GPSM3: variants seen among roughly 807,000 people sequenced by gnomAD.
GPSM3 encodes G protein-signaling modulator 3.
GPSM3 carries 16 observed loss-of-function variants against 20.4 expected under a neutral mutation model. That is an observed-to-expected ratio of 0.78 (90% CI 0.53 to 1.19). The LOEUF (loss-of-function observed/expected upper bound fraction) is 1.19. GPSM3 is among the 50% of genes most tolerant of loss of function. The pLI is 0.00. For synonymous variants in GPSM3, 70 were observed against 79.6 expected, an observed-to-expected ratio of 0.88 and a Z score of 0.64; for missense variants, 177 against 204.6, an observed-to-expected ratio of 0.86 and a Z score of 0.82.
upstream of GPSM3, chr6:32,192,768 T>C (rs1744994605): frequency 7.5e-6 from 3 of 397,786 alleles, no homozygotes; most frequent in Non-Finnish European, 1.3e-5. The surrounding 1 kb of genome is among the most constrained non-coding windows in gnomAD (Gnocchi z 5.1). Context: ...GCACTGAGAC[T>C]GGGAAAAACT....
Position 32,190,974 on chromosome 6 carries a change from A to C in GPSM3, c.*392T>G. The stretch of plus-strand genomic sequence containing the variant: ...TTCCCTTCTTACTGGGAGGAAGGGT[A>C]GAGCTGTCTCTCAGGTTATAACCTC... On this transcript the variant is annotated 3_prime_UTR_variant, in exon 4 of 4. Transcript: ENST00000375040. 5.8e-6 allele frequency: 1 copy of C among 173,272 alleles called. No individual in the cohort carries two copies. Among genetic ancestry groups the C allele is most frequent in the Non-Finnish European group, 1.2e-5 (1 of 82,238 alleles). The allele number at this position is 173,272 out of a possible 1,614,324, so 10.7% of individuals were successfully genotyped here.
upstream of GPSM3, chr6:32,195,250 C>A: frequency 1.6e-6 from 1 of 614,284 alleles, no homozygotes; most frequent in South Asian, 2.2e-5. This position sits in a 1 kb window ranked among gnomAD's most constrained non-coding sequence, Gnocchi z 5.4. Flanking sequence ...CATCTTAAAC[C>A]CTCTTTCCAG....
rs749931097 is a variant in GPSM3 at position 32,192,540 on chromosome 6, G to C, written c.-27C>G. The C allele has an allele frequency of 3.8e-6, 6 of 1,570,664 alleles. No individual in the cohort carries two copies. The highest frequency in any genetic ancestry group is 3.7e-5 in the Admixed American group (2 of 54,406). ...CCCTAGAGGGGAGAAACTGGTGGGG[G>C]AGGGGTGGCTGGGATTTGGGAGGAG... On this transcript the variant is annotated 5_prime_UTR_variant, in exon 1 of 4. Transcript: ENST00000375040. The surrounding 1 kb of genome is among the most constrained non-coding windows in gnomAD (Gnocchi z 5.1).
chr6:32,194,384 G>A (rs888727039), upstream of GPSM3: 1 of 152,280 alleles, frequency 6.6e-6, no homozygotes, highest in Admixed American at 6.5e-5. The surrounding 1 kb of genome is among the most constrained non-coding windows in gnomAD (Gnocchi z 4.5). Context: ...CTGGTTTCAG[G>A]ATGAAACTGT....
chr6:32,195,230 C>T (rs1787784642), upstream of GPSM3: 7 of 578,850 alleles, frequency 1.2e-5, no homozygotes, highest in Non-Finnish European at 2.1e-5. This position sits in a 1 kb window ranked among gnomAD's most constrained non-coding sequence, Gnocchi z 5.4. Context: ...CTGGGCCTGC[C>T]TCATCCTAGC....
In GPSM3 at chr6:32,191,302, G is replaced by T; in HGVS notation, c.*64C>A. 6.5e-7 allele frequency: 1 copy of T among 1,532,812 alleles called. No homozygotes were observed. The highest frequency in any genetic ancestry group is 8.7e-7 in the Non-Finnish European group (1 of 1,143,864). The allele number at this position is 1,532,812 out of a possible 1,614,324, so 95.0% of individuals were successfully genotyped here. A position where few individuals can be genotyped will look rare whatever the true frequency, so the allele number is the denominator to read the frequency against. On this transcript the variant is annotated 3_prime_UTR_variant, in exon 4 of 4. Transcript: ENST00000375040. This position sits in a 1 kb window ranked among gnomAD's most constrained non-coding sequence, Gnocchi z 5.9. ...GTACCCCTGCCAAGCAAGAGTTGAGGGCATGCAATGGGCTGCCCAGCTTTG... is the reference window on the plus strand; with the variant it reads ...GTACCCCTGCCAAGCAAGAGTTGAGTGCATGCAATGGGCTGCCCAGCTTTG...
chr6:32,191,957 C>G lies in GPSM3; in HGVS notation c.146-49G>C. 1.3e-6 allele frequency: 2 copies of G among 1,562,280 alleles called. No homozygotes were observed. Among genetic ancestry groups the G allele is most frequent in the Non-Finnish European group, 1.8e-6 (2 of 1,137,368 alleles). The stretch of plus-strand genomic sequence containing the variant: ...TCAGAGACCCAGAGAGGTTGGCAGA[C>G]AGGAGCCGTGGGGGAGTGTGGACAG... On this transcript the variant is annotated intron_variant, in intron 2 of 3. Transcript: ENST00000375040. This position sits in a 1 kb window ranked among gnomAD's most constrained non-coding sequence, Gnocchi z 5.9.
upstream of GPSM3, chr6:32,192,813 G>GGGAA (rs1787635650): frequency 8.2e-6 from 3 of 365,330 alleles, no homozygotes; most frequent in Admixed American, 9.2e-5. This position sits in a 1 kb window ranked among gnomAD's most constrained non-coding sequence, Gnocchi z 5.1. Flanking sequence ...GCTCATGGTG[G>GGGAA]GGAAGGACTC....
At chr6:32,195,263 C>T, upstream of GPSM3, 1 of 643,906 alleles carries the variant, frequency 1.6e-6, no homozygotes, top group Non-Finnish European at 2.6e-6. The surrounding 1 kb of genome is among the most constrained non-coding windows in gnomAD (Gnocchi z 5.4). Context: ...CTTTCCAGAG[C>T]TGCAGCTTCT....
chr6:32,194,539 T>C (rs541689942), upstream of GPSM3: 3 of 160,756 alleles, frequency 1.9e-5, no homozygotes, highest in South Asian at 4.1e-4. The surrounding 1 kb of genome is among the most constrained non-coding windows in gnomAD (Gnocchi z 4.5). Flanking sequence ...TGGGCAGTAA[T>C]GCTTGCTCAC....
upstream of GPSM3, chr6:32,194,426 G>GT (rs1291396044): frequency 6.6e-6 from 1 of 152,178 alleles, no homozygotes; most frequent in Non-Finnish European, 1.5e-5. This position sits in a 1 kb window ranked among gnomAD's most constrained non-coding sequence, Gnocchi z 4.5. Flanking sequence ...TTAGATTCCC[G>GT]TAAGAAGCGA....
At position 32,191,964 on chromosome 6, in the gene GPSM3, C is replaced by T. The variant is rs968872107; in HGVS notation, c.146-56G>A. ...CCCAGAGAGGTTGGCAGACAGGAGCCGTGGGGGAGTGTGGACAGGGTGACG... is the reference window on the plus strand; with the variant it reads ...CCCAGAGAGGTTGGCAGACAGGAGCTGTGGGGGAGTGTGGACAGGGTGACG... On this transcript the variant is annotated intron_variant, in intron 2 of 3. Transcript: ENST00000375040. This position sits in a 1 kb window ranked among gnomAD's most constrained non-coding sequence, Gnocchi z 5.9. 11 of 1,526,258 alleles carry T rather than the reference C, an allele frequency of 7.2e-6. No individual in the cohort carries two copies. The highest frequency in any genetic ancestry group is 2.3e-5 in the East Asian group (1 of 44,198). 94.5% of individuals were successfully genotyped at this position (1,526,258 alleles called of 1,614,324 possible).
At chr6:32,193,654 A>C (rs1787686111), upstream of GPSM3, among the ~76,000 whole-genome samples, 1 of 152,036 alleles carries the variant, frequency 6.6e-6, no homozygotes, top group Admixed American at 6.6e-5. This position sits in a 1 kb window ranked among gnomAD's most constrained non-coding sequence, Gnocchi z 4.7. Flanking sequence ...GATATGGAAC[A>C]ATGAGAGGCT....
In GPSM3 at chr6:32,191,973, G is replaced by A; in HGVS notation, c.146-65C>T. The A allele has an allele frequency of 6.8e-7, 1 of 1,475,870 alleles. No individual in the cohort carries two copies. The highest frequency in any genetic ancestry group is 9.4e-7 in the Non-Finnish European group (1 of 1,060,784). The allele number at this position is 1,475,870 out of a possible 1,614,324, so 91.4% of individuals were successfully genotyped here. A position where few individuals can be genotyped will look rare whatever the true frequency, so the allele number is the denominator to read the frequency against. ...GTTGGCAGACAGGAGCCGTGGGGGA[G>A]TGTGGACAGGGTGACGTGATTAGGG... is the stretch of plus-strand genomic sequence containing the variant. On this transcript the variant is annotated intron_variant, in intron 2 of 3. Coordinates refer to ENST00000375040, the MANE Select transcript of GPSM3 (RefSeq NM_001276501.2). This position sits in a 1 kb window ranked among gnomAD's most constrained non-coding sequence, Gnocchi z 5.9.
At chr6:32,195,478 G>C, upstream of GPSM3, 1 of 1,611,498 alleles carries the variant, frequency 6.2e-7, no homozygotes, top group Non-Finnish European at 8.5e-7. This position sits in a 1 kb window ranked among gnomAD's most constrained non-coding sequence, Gnocchi z 5.4. Flanking sequence ...GGCATTTCTT[G>C]GAGGGCTGGG....
Position 32,191,113 on chromosome 6 carries a change from T to C in GPSM3, c.*253A>G. On this transcript the variant is annotated 3_prime_UTR_variant, in exon 4 of 4. Transcript: ENST00000375040. This position sits in a 1 kb window ranked among gnomAD's most constrained non-coding sequence, Gnocchi z 5.9. ...CACTCCTTGAGATGGGTGCCTGGGA[T>C]CCCCCTTACTGCCTCAAGCTCCCAT... 2.2e-6 allele frequency: 1 copy of C among 450,282 alleles called. No individual in the cohort carries two copies. Among genetic ancestry groups the C allele is most frequent in the Admixed American group, 4.4e-5 (1 of 22,806 alleles). 27.9% of individuals were successfully genotyped at this position (450,282 alleles called of 1,614,324 possible).
chr6:32,193,286 G>A (rs550592572), upstream of GPSM3, among the ~76,000 whole-genome samples: 3 of 152,104 alleles, frequency 2.0e-5, no homozygotes, highest in Non-Finnish European at 2.9e-5. This position sits in a 1 kb window ranked among gnomAD's most constrained non-coding sequence, Gnocchi z 4.7. Context: ...GATTGCCTGA[G>A]CTCAGGAGTT....
chr6:32,191,595 A>G lies in GPSM3; in HGVS notation c.346-92T>C, dbSNP rs879606937. On this transcript the variant is annotated intron_variant, in intron 3 of 3. Coordinates refer to ENST00000375040, the MANE Select transcript of GPSM3 (RefSeq NM_001276501.2). The surrounding 1 kb of genome is among the most constrained non-coding windows in gnomAD (Gnocchi z 5.9). ...CAAGGGTTGGTATGGGGAGGCATAT[A>G]GGAAACCTGTGAAGGCGATGGGGTG... is the stretch of plus-strand genomic sequence containing the variant. 137 of 1,495,870 alleles carry G rather than the reference A, an allele frequency of 9.2e-5. No homozygotes were observed. The highest frequency in any genetic ancestry group is 1.2e-4 in the Non-Finnish European group (136 of 1,112,826). The allele number at this position is 1,495,870 out of a possible 1,614,324, so 92.7% of individuals were successfully genotyped here. A position where few individuals can be genotyped will look rare whatever the true frequency, so the allele number is the denominator to read the frequency against.
In GPSM3 at chr6:32,192,048, T is replaced by A. The variant is rs924824876; in HGVS notation, c.145+100A>T. ...GCAATGGGGAATCCCAAGGGGAGTC[T>A]GGAGGAGGTGGGGAGAGGGCCCACA... is the stretch of plus-strand genomic sequence containing the variant. On this transcript the variant is annotated intron_variant, in intron 2 of 3. Transcript: ENST00000375040. This position sits in a 1 kb window ranked among gnomAD's most constrained non-coding sequence, Gnocchi z 5.1. 1.4e-5 allele frequency: 18 copies of A among 1,246,722 alleles called. No homozygotes were observed. The highest frequency in any genetic ancestry group is 2.0e-5 in the Non-Finnish European group (18 of 880,872). 77.2% of individuals were successfully genotyped at this position (1,246,722 alleles called of 1,614,324 possible).
Sources: allele counts gnomAD v4.1 joint callset (sites outside exome capture counted in the v4.1 genomes callset), GRCh38; gene constraint gnomAD v4.1.1; non-coding constraint Gnocchi (gnomAD v3.1); transcripts MANE v1.5; gene names NCBI Gene and HGNC (gene_info 2026-07-23, HGNC 2026-07-21).